Variants in L3MBTL3 observed in about 807,000 individuals in gnomAD.
L3MBTL3 encodes the protein lethal(3)malignant brain tumor-like protein 3.
L3MBTL3 carries 27 observed loss-of-function variants against 102.3 expected under a neutral mutation model. The ratio of observed to expected loss-of-function variants is 0.26; its 90% CI spans 0.19 to 0.36. The LOEUF (loss-of-function observed/expected upper bound fraction) is 0.36, where lower values mean the gene tolerates loss of function less well. L3MBTL3 is among the 10% of genes least tolerant of loss of function. The pLI, the probability that L3MBTL3 is intolerant of heterozygous loss-of-function variation, is 1.00. For missense variants in L3MBTL3, 798 were observed against 955.3 expected, an observed-to-expected ratio of 0.84 and a Z score of 2.17; for synonymous variants, 340 against 320.9, an observed-to-expected ratio of 1.06 and a Z score of -0.64.
chr6:130,076,586 T>G (rs1782964995), intron 13 of L3MBTL3, among the ~76,000 whole-genome samples: 1 of 152,190 alleles, frequency 6.6e-6, no homozygotes, highest in African/African-American at 2.4e-5. Flanking sequence ...AAATTTGAAA[T>G]GGAGGCTTCT....
chr6:130,019,045 G>A lies in L3MBTL3; in HGVS notation c.-95+381G>A, dbSNP rs1778743956. Among the ~76,000 whole-genome samples the A allele has an allele frequency of 2.0e-5, 3 of 152,008 alleles. No homozygotes were observed. In the South Asian group the frequency reaches 6.2e-4, roughly 32 times the overall value. On this transcript the variant is annotated intron_variant, in intron 1 of 22. Transcript: ENST00000361794. ...GAGACTTGTATTTTTTTCTTTGCGC[G>A]CACACGGGGAAGGGTGTGGGGGGCC...
rs542937016 is a variant in L3MBTL3 at position 130,049,183 on chromosome 6, T to C, written c.103-99T>C. ...ATTGTCTAAATTAACTTTTACCATG[T>C]AATTAATTTGCTTGAAGACTATATG... On this transcript the variant is annotated intron_variant, in intron 3 of 22. Coordinates refer to ENST00000361794, the MANE Select transcript of L3MBTL3 (RefSeq NM_032438.4). 43 of 680,710 alleles carry C rather than the reference T, an allele frequency of 6.3e-5. No individual in the cohort carries two copies. In the African/African-American group the frequency reaches 6.8e-4, roughly 11 times the overall value. The allele number at this position is 680,710 out of a possible 1,614,324, so 42.2% of individuals were successfully genotyped here. A position where few individuals can be genotyped will look rare whatever the true frequency, so the allele number is the denominator to read the frequency against.
At chr6:130,040,506 A>G (rs888285796) in intron 2 of L3MBTL3, among the ~76,000 whole-genome samples, 1 of 152,092 alleles carries the variant, frequency 6.6e-6, no homozygotes, top group Non-Finnish European at 1.5e-5. Flanking sequence ...CATCACATCC[A>G]TTACTATCAC....
Position 130,133,794 on chromosome 6 carries a change from G to C in L3MBTL3, c.2137-49G>C, listed in dbSNP as rs1243839282. Reference sequence around the variant, plus strand: ...AAATGTTTTGAACCTGTAGCATTTAGATTCTGACTGTGTTTTTTAACTGGG... The same window carrying C: ...AAATGTTTTGAACCTGTAGCATTTACATTCTGACTGTGTTTTTTAACTGGG... On this transcript the variant is annotated intron_variant, in intron 21 of 22. Transcript: ENST00000361794. The surrounding 1 kb of genome is among the most constrained non-coding windows in gnomAD (Gnocchi z 4.9). 6.5e-7 allele frequency: 1 copy of C among 1,536,454 alleles called. No homozygotes were observed.
At chr6:130,059,969 A>G (rs1781781371) in intron 9 of L3MBTL3, 67 bp from the exon 10 acceptor site, 2 of 793,228 alleles carry the variant, frequency 2.5e-6, no homozygotes, top group Non-Finnish European at 4.2e-6. Context: ...TTAAAATGGT[A>G]ACTATTTACA....
intron 16 of L3MBTL3, among the ~76,000 whole-genome samples, chr6:130,087,856 A>G (rs1584404032): frequency 6.6e-6 from 1 of 152,078 alleles, no homozygotes; most frequent in East Asian, 1.9e-4. Context: ...TTTTTTTTAC[A>G]AGCATACATA....
In L3MBTL3 at chr6:130,060,179, G is replaced by A. The variant is rs1321668019; in HGVS notation, c.864+39G>A. The A allele has an allele frequency of 5.7e-6, 7 of 1,235,080 alleles. No homozygotes were observed. In the Admixed American group the frequency reaches 6.3e-5, roughly 11 times the overall value. 76.5% of individuals were successfully genotyped at this position (1,235,080 alleles called of 1,614,324 possible). A position where few individuals can be genotyped will look rare whatever the true frequency, so the allele number is the denominator to read the frequency against. On this transcript the variant is annotated intron_variant, in intron 10 of 22. Transcript: ENST00000361794. ...CGTCCTTTATTTTTAAAATAAAATG[G>A]TGATTATGGGGATTTAAAATGAGGA...
intron 20 of L3MBTL3, among the ~76,000 whole-genome samples, chr6:130,126,350 CT>C (rs1786608694): frequency 6.6e-6 from 1 of 152,154 alleles, no homozygotes; most frequent in African/African-American, 2.4e-5. Context: ...CTCCTTTTGT[CT>C]GGCACTTGCC....
chr6:130,026,381 G>A (rs934419136), intron 2 of L3MBTL3, among the ~76,000 whole-genome samples: 3 of 151,988 alleles, frequency 2.0e-5, no homozygotes, highest in Admixed American at 6.6e-5. Flanking sequence ...TGAAAGGGGT[G>A]GAATCAGGGA....
At chr6:130,079,882 G>C (rs1783204237) in intron 14 of L3MBTL3, among the ~76,000 whole-genome samples, 1 of 152,160 alleles carries the variant, frequency 6.6e-6, no homozygotes. Flanking sequence ...ATAATAAAGG[G>C]AGGAAAGTCT....
intron 16 of L3MBTL3, among the ~76,000 whole-genome samples, chr6:130,086,567 T>TA (rs1783705887): frequency 2.6e-5 from 4 of 152,198 alleles, no homozygotes; most frequent in Non-Finnish European, 5.9e-5. Flanking sequence ...TGCCCTTTTT[T>TA]AAAAAAATTG....
At chr6:130,113,982 G>T (rs80300163) in intron 19 of L3MBTL3, among the ~76,000 whole-genome samples, 3,355 of 152,274 alleles carry the variant, frequency 0.022, 118 homozygotes, top group African/African-American at 0.076. Context: ...TTTGCCCCAT[G>T]AGGTCTTCTG....
chr6:130,025,193 A>G (rs1170134474), intron 2 of L3MBTL3, among the ~76,000 whole-genome samples: 1 of 152,196 alleles, frequency 6.6e-6, no homozygotes, highest in Non-Finnish European at 1.5e-5. Flanking sequence ...GGGAATGCTT[A>G]TAGTATAGGT....
At chr6:130,105,979 G>A (rs887718283) in intron 19 of L3MBTL3, among the ~76,000 whole-genome samples, 4 of 152,186 alleles carry the variant, frequency 2.6e-5, no homozygotes, top group Middle Eastern at 6.8e-3. Flanking sequence ...GAGTCTAACC[G>A]TTTCGGTGTT....
chr6:130,055,467 CCTCCCTCCCTCT>C (rs1218723165), intron 8 of L3MBTL3, among the ~76,000 whole-genome samples: 66 of 94,968 alleles, frequency 6.9e-4, no homozygotes, highest in South Asian at 2.0e-3. Context: ...GAACTGTCTT[CCTCCCTCCCTCT>C]CTCCCTCCCT....
At chr6:130,105,815 G>T (rs1784950633) in intron 19 of L3MBTL3, among the ~76,000 whole-genome samples, 1 of 152,152 alleles carries the variant, frequency 6.6e-6, no homozygotes, top group Non-Finnish European at 1.5e-5. Flanking sequence ...GGTTGGTAGT[G>T]CCTGTTGTAG....
chr6:130,111,605 A>G (rs990961701), intron 19 of L3MBTL3, among the ~76,000 whole-genome samples: 2 of 152,224 alleles, frequency 1.3e-5, no homozygotes, highest in Non-Finnish European at 2.9e-5. Context: ...GGACTAGCAT[A>G]AGTTAACAGT....
rs1780035094 is a variant in L3MBTL3 at position 130,036,007 on chromosome 6, T to C, written c.-15-6678T>C. On this transcript the variant is annotated intron_variant, in intron 2 of 22. Transcript: ENST00000361794. Reference sequence around the variant, plus strand: ...GTGTGTGTGTGTGTGTGTGTGTGTGTGTGTGTGTGGCCTGTGGAATACAGG... The same window carrying C: ...GTGTGTGTGTGTGTGTGTGTGTGTGCGTGTGTGTGGCCTGTGGAATACAGG... Among the ~76,000 whole-genome samples, 4 of 144,914 alleles carry C rather than the reference T, an allele frequency of 2.8e-5. No individual in the cohort carries two copies. In the Admixed American group the frequency reaches 2.8e-4, roughly 10 times the overall value.
At chr6:130,089,677 C>T (rs1199274764) in intron 16 of L3MBTL3, among the ~76,000 whole-genome samples, 2 of 152,100 alleles carry the variant, frequency 1.3e-5, no homozygotes, top group Non-Finnish European at 2.9e-5. Flanking sequence ...GTTTACACTC[C>T]CACCAAAAGT....
Sources: allele counts gnomAD v4.1 joint callset (sites outside exome capture counted in the v4.1 genomes callset), GRCh38; gene constraint gnomAD v4.1.1; non-coding constraint Gnocchi (gnomAD v3.1); transcripts MANE v1.5; gene names NCBI Gene and HGNC (gene_info 2026-07-23, HGNC 2026-07-21).